CLTB: variants seen among roughly 807,000 people sequenced by gnomAD.
The protein encoded by CLTB is clathrin light chain B.
In CLTB, 10 loss-of-function variants were observed where a neutral mutation model predicts 30.5. The ratio of observed to expected loss-of-function variants is 0.33; its 90% CI spans 0.20 to 0.56. The LOEUF (loss-of-function observed/expected upper bound fraction) is 0.56, where lower values mean the gene tolerates loss of function less well. CLTB is among the 20% of genes least tolerant of loss of function. The pLI is 0.91. For missense variants in CLTB, 261 were observed against 308.3 expected (o/e 0.85, Z 1.15); for synonymous variants, 102 against 120.3 (o/e 0.85, Z 1.00).
chr5:176,401,192 C>A (rs975196532), intron 2 of CLTB, among the ~76,000 whole-genome samples: 2 of 152,250 alleles, frequency 1.3e-5, no homozygotes, highest in Non-Finnish European at 2.9e-5. Context: ...CCAGGGACTC[C>A]TCCCAGCACC....
chr5:176,413,902 G>C (rs79289874), intron 1 of CLTB, among the ~76,000 whole-genome samples: 57 of 152,252 alleles, frequency 3.7e-4, no homozygotes, highest in African/African-American at 1.4e-3. Flanking sequence ...CTGTATCCCC[G>C]GCACCTCCCT....
intron 1 of CLTB, among the ~76,000 whole-genome samples, chr5:176,412,952 C>T (rs776756410): frequency 6.6e-6 from 1 of 152,138 alleles, no homozygotes; most frequent in Non-Finnish European, 1.5e-5. Context: ...GAATTTGCAC[C>T]ACCCTACTCC....
intron 4 of CLTB, 48 bp downstream of exon 4, chr5:176,397,559 C>A (rs1418078821): frequency 5.9e-6 from 6 of 1,020,394 alleles, no homozygotes; most frequent in Non-Finnish European, 8.5e-6. Flanking sequence ...GTCCCCACAG[C>A]CCCCCTCATG....
chr5:176,414,124 A>G (rs75188219), intron 1 of CLTB, among the ~76,000 whole-genome samples: 4 of 151,890 alleles, frequency 2.6e-5, no homozygotes, highest in African/African-American at 7.2e-5. Context: ...GGTTCTCACA[A>G]TGGCTCCCCT....
At chr5:176,408,066 G>A (rs1405733508) in intron 2 of CLTB, among the ~76,000 whole-genome samples, 1 of 152,140 alleles carries the variant, frequency 6.6e-6, no homozygotes, top group Non-Finnish European at 1.5e-5. Flanking sequence ...AGCCCCACCA[G>A]GCATCTGGCT....
chr5:176,409,692 G>A (rs1757328643), intron 2 of CLTB, among the ~76,000 whole-genome samples: 1 of 152,010 alleles, frequency 6.6e-6, no homozygotes, highest in South Asian at 2.1e-4. Context: ...GGGATTACAG[G>A]CGTCAGCCAC....
At position 176,416,418 on chromosome 5, in the gene CLTB, C is replaced by T; in HGVS notation, c.-55G>A. On this transcript the variant is annotated 5_prime_UTR_variant, in exon 1 of 6. Coordinates refer to ENST00000310418, the MANE Select transcript of CLTB (RefSeq NM_007097.5). ...TGCGCTCGGCTCTGCCCGCGCCTGC[C>T]CCGCGCTGCGTCCGGCGGCCGCGAC... 7.1e-7 allele frequency: 1 copy of T among 1,400,020 alleles called. No individual in the cohort carries two copies. Among genetic ancestry groups the T allele is most frequent in the Non-Finnish European group, 9.3e-7 (1 of 1,073,868 alleles). The allele number at this position is 1,400,020 out of a possible 1,614,324, so 86.7% of individuals were successfully genotyped here.
chr5:176,393,914 T>C lies in CLTB; in HGVS notation c.519-969A>G, dbSNP rs1254784341. 6.6e-6 allele frequency among the ~76,000 whole-genome samples: 1 copy of C among 152,196 alleles called. No homozygotes were observed. The highest frequency in any genetic ancestry group is 2.4e-5 in the African/African-American group (1 of 41,450). On this transcript the variant is annotated intron_variant, in intron 5 of 5. Transcript: ENST00000310418. The surrounding 1 kb of genome is among the most constrained non-coding windows in gnomAD (Gnocchi z 4.4). Reference sequence around the variant, plus strand: ...CCAGCGAGGGTCGCTCACAAGTCCCTGGAAGCCCCCTCTCCATCTCAAGCA... The same window carrying C: ...CCAGCGAGGGTCGCTCACAAGTCCCCGGAAGCCCCCTCTCCATCTCAAGCA...
At chr5:176,402,267 C>T (rs575441976) in intron 2 of CLTB, among the ~76,000 whole-genome samples, 1 of 152,286 alleles carries the variant, frequency 6.6e-6, no homozygotes, top group East Asian at 1.9e-4. Flanking sequence ...CACTGTACTC[C>T]AGCCTAGGTA....
At chr5:176,414,488 G>A (rs1376362330) in intron 1 of CLTB, among the ~76,000 whole-genome samples, 1 of 148,960 alleles carries the variant, frequency 6.7e-6, no homozygotes, top group Non-Finnish European at 1.5e-5. Context: ...CTGGAGTACA[G>A]AGACGTGATC....
chr5:176,405,511 A>G (rs1561797213), intron 2 of CLTB: 2 of 151,846 alleles, frequency 1.3e-5, no homozygotes, highest in Admixed American at 1.3e-4. Context: ...AAAAAAAAGA[A>G]AAAGAAAAAG....
At chr5:176,407,215 T>C (rs1402286140) in intron 2 of CLTB, among the ~76,000 whole-genome samples, 1 of 152,184 alleles carries the variant, frequency 6.6e-6, no homozygotes, top group East Asian at 1.9e-4. Context: ...AAGTGGCTGA[T>C]TTCCTGGGTG....
intron 2 of CLTB, among the ~76,000 whole-genome samples, chr5:176,402,635 C>T (rs530306500): frequency 6.6e-5 from 10 of 152,308 alleles, no homozygotes; most frequent in South Asian, 6.2e-4. Context: ...CACCCAGCAC[C>T]GGGAGGGCCT....
In CLTB at chr5:176,392,992, C is replaced by A. The variant is rs180999566; in HGVS notation, c.519-47G>T. The A allele has an allele frequency of 4.8e-3, 7,702 of 1,608,966 alleles. 21 individuals are homozygous for A. The highest frequency in any genetic ancestry group is 6.0e-3 in the Non-Finnish European group (7,071 of 1,175,922). On this transcript the variant is annotated intron_variant, in intron 5 of 5. Coordinates refer to ENST00000310418, the MANE Select transcript of CLTB (RefSeq NM_007097.5). The surrounding 1 kb of genome is among the most constrained non-coding windows in gnomAD (Gnocchi z 5.2). ...GCTTTTATAGCAGTCTGCTTTCCCC[C>A]AGCCTTGCCCTTGAGCAAGGCTGCT... is the stretch of plus-strand genomic sequence containing the variant.
At chr5:176,408,257 G>C (rs1320872584) in intron 2 of CLTB, among the ~76,000 whole-genome samples, 2 of 151,638 alleles carry the variant, frequency 1.3e-5, no homozygotes, top group African/African-American at 4.9e-5. Context: ...TGTCATGCCG[G>C]GCACGGTGGC....
intron 2 of CLTB, chr5:176,405,449 C>A (rs1418074403): frequency 1.4e-5 from 2 of 146,028 alleles, no homozygotes; most frequent in Non-Finnish European, 3.0e-5. Context: ...GATCACACCA[C>A]TGCACTCCAG....
At chr5:176,406,511 G>A (rs1375304770) in intron 2 of CLTB, 2 of 1,237,778 alleles carry the variant, frequency 1.6e-6, no homozygotes, top group Non-Finnish European at 2.1e-6. Flanking sequence ...ATTCCTCTAA[G>A]AAGCTAAAAG....
rs113448546 is a variant in CLTB at position 176,396,090 on chromosome 5, G to A, written c.518+389C>T. 2.5e-3 allele frequency among the ~76,000 whole-genome samples: 378 copies of A among 152,198 alleles called. 1 individual carries two copies. Among genetic ancestry groups the A allele is most frequent in the African/African-American group, 8.6e-3 (358 of 41,538 alleles). ...GTGGAGGTCGCAGTGAGCCGAGATC[G>A]CAGCACTGCACTCCATCCTGAGCAG... On this transcript the variant is annotated intron_variant, in intron 5 of 5. Transcript: ENST00000310418.
chr5:176,415,920 G>A (rs1757668697), intron 1 of CLTB, among the ~76,000 whole-genome samples: 2 of 152,242 alleles, frequency 1.3e-5, no homozygotes, highest in South Asian at 4.1e-4. Flanking sequence ...GAGCCGGGCA[G>A]TGGGGAAGCT....
Sources: allele counts gnomAD v4.1 joint callset (sites outside exome capture counted in the v4.1 genomes callset), GRCh38; gene constraint gnomAD v4.1.1; non-coding constraint Gnocchi (gnomAD v3.1); transcripts MANE v1.5; gene names NCBI Gene and HGNC (gene_info 2026-07-23, HGNC 2026-07-21).